Variants in COX7B2 observed in about 807,000 individuals in gnomAD.
COX7B2 encodes cytochrome c oxidase subunit 7B2, mitochondrial.
For synonymous variants in COX7B2, 37 were observed against 32.1 expected (o/e 1.15, Z -0.51); for missense variants, 109 against 95.9 (o/e 1.14, Z -0.57).
intron 2 of COX7B2, among the ~76,000 whole-genome samples, chr4:46,802,192 C>CA (rs1439763545): frequency 6.6e-6 from 1 of 151,892 alleles, no homozygotes; most frequent in Non-Finnish European, 1.5e-5. Context: ...AGGCAAGAAG[C>CA]AAAAAAGAGA....
chr4:46,826,087 G>T (rs1714671311), intron 2 of COX7B2, among the ~76,000 whole-genome samples: 1 of 152,026 alleles, frequency 6.6e-6, no homozygotes, highest in Non-Finnish European at 1.5e-5. Context: ...ACAGTAAACA[G>T]ACAAACTACA....
At chr4:46,776,495 G>T (rs1170861714) in intron 2 of COX7B2, among the ~76,000 whole-genome samples, 1 of 151,760 alleles carries the variant, frequency 6.6e-6, no homozygotes, top group Non-Finnish European at 1.5e-5. Context: ...GTCAGACTGG[G>T]AAGCAAGATA....
chr4:46,786,861 T>G (rs905002590), intron 2 of COX7B2, among the ~76,000 whole-genome samples: 1 of 151,822 alleles, frequency 6.6e-6, no homozygotes, highest in African/African-American at 2.4e-5. Flanking sequence ...CCTAAGAGAG[T>G]ATGATAGGAG....
At chr4:46,808,443 T>C (rs1719116898) in intron 2 of COX7B2, among the ~76,000 whole-genome samples, 1 of 151,892 alleles carries the variant, frequency 6.6e-6, no homozygotes, top group African/African-American at 2.4e-5. Flanking sequence ...CTGGTTTTTT[T>C]ACATATAGAA....
chr4:46,802,504 T>A (rs1467880234), intron 2 of COX7B2, among the ~76,000 whole-genome samples: 3 of 152,178 alleles, frequency 2.0e-5, no homozygotes, highest in Non-Finnish European at 4.4e-5. Context: ...GTTGTTTTTT[T>A]AAAATATGCT....
intron 2 of COX7B2, among the ~76,000 whole-genome samples, chr4:46,742,224 C>A (rs1714757982): frequency 6.6e-6 from 1 of 152,120 alleles, no homozygotes; most frequent in Non-Finnish European, 1.5e-5. Flanking sequence ...ACTTTTGGAG[C>A]TAGGACTCCT....
chr4:46,753,104 C>T (rs1014040532), intron 2 of COX7B2, among the ~76,000 whole-genome samples: 8 of 152,120 alleles, frequency 5.3e-5, no homozygotes, highest in Middle Eastern at 3.4e-3. Flanking sequence ...AGCCTGTTAT[C>T]GGTCTATTCA....
At chr4:46,835,935 C>T (rs1235602828) in intron 2 of COX7B2, among the ~76,000 whole-genome samples, 1 of 151,964 alleles carries the variant, frequency 6.6e-6, no homozygotes, top group Non-Finnish European at 1.5e-5. Flanking sequence ...AACTATAACT[C>T]GAGGGTAATG....
rs752075854 is a variant in COX7B2, at chr4:46,735,149, A to G, written c.44T>C (p.Ile15Thr). Residue 15 changes from isoleucine (I) to threonine (T), a missense_variant, in exon 3 of 3, where the codon ATT becomes ACT. Ile to Thr is a moderately conservative substitution (Grantham distance 89). Transcript: ENST00000355591. The part of the protein sequence containing the change: ...LARNALSSLK[I>T]QSILQSMARH... ...TGCCATGCTTTGCAGAATGCTTTGA[A>G]TCTTGAGACTGCTTAGTGCATTTCT... 3.1e-6 allele frequency: 5 copies of G among 1,613,446 alleles called. No individual in the cohort carries two copies. The East Asian group carries it at 8.9e-5, about 29-fold the overall frequency.
chr4:46,823,182 G>A (rs964239492), intron 2 of COX7B2, among the ~76,000 whole-genome samples: 1 of 151,944 alleles, frequency 6.6e-6, no homozygotes, highest in Non-Finnish European at 1.5e-5. Flanking sequence ...GGTTCTGCTG[G>A]GTGGGAAATA....
At chr4:46,798,646 G>C (rs547722308) in intron 2 of COX7B2, among the ~76,000 whole-genome samples, 1 of 152,266 alleles carries the variant, frequency 6.6e-6, no homozygotes, top group East Asian at 1.9e-4. Context: ...GGCTTTAGTA[G>C]AGTCTGAATG....
intron 2 of COX7B2, among the ~76,000 whole-genome samples, chr4:46,777,416 G>C (rs1043111677): frequency 6.6e-6 from 1 of 152,092 alleles, no homozygotes; most frequent in African/African-American, 2.4e-5. Flanking sequence ...GGCGGTGGTG[G>C]TGAGGAGAGA....
chr4:46,863,631 T>G (rs1560425884), intron 1 of COX7B2, among the ~76,000 whole-genome samples: 2 of 152,244 alleles, frequency 1.3e-5, no homozygotes, highest in Admixed American at 1.3e-4. Flanking sequence ...ACTATTGTTG[T>G]GCCTTGCTGC....
chr4:46,864,316 A>G (rs1292080831), intron 1 of COX7B2, among the ~76,000 whole-genome samples: 1 of 152,062 alleles, frequency 6.6e-6, no homozygotes, highest in Non-Finnish European at 1.5e-5. Context: ...AATGTTACCT[A>G]CACTTGTGAG....
intron 2 of COX7B2, among the ~76,000 whole-genome samples, chr4:46,836,412 C>T (rs1439250676): frequency 1.3e-5 from 2 of 151,248 alleles, no homozygotes; most frequent in African/African-American, 2.4e-5. Context: ...CACACATTGG[C>T]CTAGACCTAG....
At chr4:46,816,910 G>A (rs1343693149) in intron 2 of COX7B2, among the ~76,000 whole-genome samples, 1 of 152,160 alleles carries the variant, frequency 6.6e-6, no homozygotes, top group Non-Finnish European at 1.5e-5. Context: ...GTAAGCCTCA[G>A]AGAATTTTTT....
At chr4:46,879,735 A>G (rs921819033) in intron 1 of COX7B2, among the ~76,000 whole-genome samples, 1 of 151,830 alleles carries the variant, frequency 6.6e-6, no homozygotes, top group African/African-American at 2.4e-5. Flanking sequence ...AAAAAAAAAA[A>G]GCCAATTGAG....
At chr4:46,893,805 T>C (rs1444962848) in intron 1 of COX7B2, among the ~76,000 whole-genome samples, 2 of 152,072 alleles carry the variant, frequency 1.3e-5, no homozygotes, top group Non-Finnish European at 2.9e-5. Flanking sequence ...TGTTGTCACA[T>C]AAAATAATCA....
At chr4:46,825,481 T>C (rs1289516342) in intron 2 of COX7B2, among the ~76,000 whole-genome samples, 5 of 152,118 alleles carry the variant, frequency 3.3e-5, no homozygotes, top group South Asian at 4.1e-4. Context: ...GATTTAATGC[T>C]ATCCTTATCA....
Sources: allele counts gnomAD v4.1 joint callset (sites outside exome capture counted in the v4.1 genomes callset), GRCh38; gene constraint gnomAD v4.1.1; transcripts MANE v1.5; gene names NCBI Gene and HGNC (gene_info 2026-07-23, HGNC 2026-07-21).